The following LEKR1 variants were observed in gnomAD, a reference collection of about 807,000 sequenced individuals.
The protein encoded by LEKR1 is protein LEKR1.
LEKR1 carries 59 observed loss-of-function variants against 72.4 expected under a neutral mutation model. The ratio of observed to expected loss-of-function variants is 0.82; its 90% CI spans 0.66 to 1.01. The LOEUF is 1.01. LEKR1 is among the 50% of genes least tolerant of loss of function. LEKR1 has a pLI of 0.00. For missense variants in LEKR1, 728 were observed against 759.2 expected (o/e 0.96, Z 0.48); for synonymous variants, 257 against 263.2 (o/e 0.98, Z 0.23).
At chr3:157,023,934 T>A (rs1010107731) in intron 10 of LEKR1, among the ~76,000 whole-genome samples, 1 of 152,122 alleles carries the variant, frequency 6.6e-6, no homozygotes, top group African/African-American at 2.4e-5. Context: ...AAGTCAAAAA[T>A]GGGTAATCTG....
intron 12 of LEKR1, among the ~76,000 whole-genome samples, chr3:157,044,417 AT>A (rs1372392932): frequency 6.6e-6 from 1 of 152,252 alleles, no homozygotes; most frequent in Non-Finnish European, 1.5e-5. Context: ...GAAATGCAGA[AT>A]TTCAGAATTT....
chr3:156,838,002 A>G (rs889013230), intron 2 of LEKR1, among the ~76,000 whole-genome samples: 7 of 152,176 alleles, frequency 4.6e-5, no homozygotes, highest in African/African-American at 1.7e-4. Context: ...GGGATCCAAA[A>G]TGACGTTTTT....
intron 6 of LEKR1, among the ~76,000 whole-genome samples, chr3:156,944,082 GTT>G (rs1726469868): frequency 6.6e-6 from 1 of 150,852 alleles, no homozygotes; most frequent in African/African-American, 2.4e-5. Context: ...CCATATCGAA[GTT>G]TTTTGTTTTG....
At chr3:156,853,577 T>C (rs1037281103) in intron 3 of LEKR1, among the ~76,000 whole-genome samples, 1 of 152,120 alleles carries the variant, frequency 6.6e-6, no homozygotes, top group African/African-American at 2.4e-5. Context: ...TGATTTAAAG[T>C]ATTGACAGTT....
chr3:156,996,772 A>G (rs1731602786), intron 9 of LEKR1, among the ~76,000 whole-genome samples: 1 of 152,166 alleles, frequency 6.6e-6, no homozygotes, highest in African/African-American at 2.4e-5. Context: ...AAGGGTTAAA[A>G]AGATCTTCTC....
intron 5 of LEKR1, among the ~76,000 whole-genome samples, chr3:156,930,245 GA>G (rs1218713720): frequency 1.3e-5 from 2 of 151,402 alleles, no homozygotes; most frequent in African/African-American, 2.4e-5. Flanking sequence ...GATAAACATT[GA>G]AAAAAAATGA....
intron 3 of LEKR1, among the ~76,000 whole-genome samples, chr3:156,913,101 T>G (rs1461386428): frequency 6.6e-6 from 1 of 152,212 alleles, no homozygotes; most frequent in Admixed American, 6.5e-5. Context: ...GAAGAGGCAT[T>G]CTAACACTGC....
At chr3:156,938,964 A>G (rs4680317) in intron 5 of LEKR1, among the ~76,000 whole-genome samples, 74,729 of 152,118 alleles carry the variant, frequency 0.49, 20,625 homozygotes, top group East Asian at 0.73. Context: ...TAATAATTGT[A>G]CTTGCGTTAG....
chr3:156,967,643 A>T (rs571758460), intron 6 of LEKR1, among the ~76,000 whole-genome samples: 16 of 152,234 alleles, frequency 1.1e-4, no homozygotes, highest in African/African-American at 3.9e-4. Context: ...CCAAATCTAC[A>T]TCTGATTGGT....
chr3:157,033,524 G>A (rs1346045134), intron 12 of LEKR1, among the ~76,000 whole-genome samples: 1 of 152,126 alleles, frequency 6.6e-6, no homozygotes, highest in Non-Finnish European at 1.5e-5. Context: ...CTCTCCAATT[G>A]TATGAAGACT....
At chr3:156,964,748 A>G (rs1030135963) in intron 6 of LEKR1, among the ~76,000 whole-genome samples, 6 of 152,220 alleles carry the variant, frequency 3.9e-5, no homozygotes, top group Non-Finnish European at 5.9e-5. Flanking sequence ...CCCTGCGTAC[A>G]GGAATCTCTG....
intron 2 of LEKR1, among the ~76,000 whole-genome samples, chr3:156,840,939 A>G (rs1010767396): frequency 5.9e-5 from 9 of 152,160 alleles, no homozygotes; most frequent in African/African-American, 2.2e-4. Context: ...TAGCCTAGGT[A>G]TGGTGGAAAA....
intron 2 of LEKR1, among the ~76,000 whole-genome samples, chr3:156,842,367 G>A (rs1345871889): frequency 5.3e-5 from 8 of 150,436 alleles, no homozygotes; most frequent in Admixed American, 1.3e-4. Context: ...TTTCTTTCTT[G>A]TTCTGTTAAC....
chr3:156,971,621 A>G (rs2107992580), intron 6 of LEKR1, among the ~76,000 whole-genome samples: 1 of 152,310 alleles, frequency 6.6e-6, no homozygotes, highest in East Asian at 1.9e-4. Flanking sequence ...CAGAATCTAC[A>G]AAGAACTCAA....
At chr3:156,848,323 A>G (rs1714880881) in intron 2 of LEKR1, among the ~76,000 whole-genome samples, 1 of 152,186 alleles carries the variant, frequency 6.6e-6, no homozygotes, top group Admixed American at 6.5e-5. Flanking sequence ...CATTTCATGT[A>G]TACAGTGCCC....
chr3:156,875,803 C>T (rs972712449), intron 3 of LEKR1, among the ~76,000 whole-genome samples: 2 of 151,692 alleles, frequency 1.3e-5, no homozygotes, highest in South Asian at 2.1e-4. Context: ...AGACCATCCT[C>T]GCTAACATGG....
intron 2 of LEKR1, among the ~76,000 whole-genome samples, chr3:156,840,113 C>G (rs1300925571): frequency 6.6e-6 from 1 of 152,098 alleles, no homozygotes; most frequent in Admixed American, 6.5e-5. Flanking sequence ...ATTTTCTTAA[C>G]ATTTTCTTTT....
intron 5 of LEKR1, among the ~76,000 whole-genome samples, chr3:156,934,723 A>G (rs1329809974): frequency 1.3e-5 from 2 of 152,176 alleles, no homozygotes; most frequent in African/African-American, 2.4e-5. Context: ...AAACATTGAC[A>G]TAAGTCATCT....
intron 3 of LEKR1, 111 bp downstream of exon 3, chr3:156,853,093 C>T: frequency 2.1e-6 from 1 of 479,272 alleles, no homozygotes. Context: ...ATAGTTTATA[C>T]TTTAATGCAT....
Sources: gnomAD v4.1 joint callset for allele counts (sites outside exome capture counted in the v4.1 genomes callset) on GRCh38, gnomAD v4.1.1 for gene constraint, MANE v1.5 for transcripts, NCBI Gene and HGNC (gene_info 2026-07-23, HGNC 2026-07-21) for gene names.